IP6K2: variants seen among roughly 807,000 people sequenced by gnomAD.
IP6K2 encodes the protein ATP:1D-myo-inositol-hexakisphosphate phosphotransferase.
Under a neutral mutation model 43.3 loss-of-function variants are expected in IP6K2, and 9 were observed. The observed-to-expected ratio is 0.21, with a 90% confidence interval of 0.13 to 0.36. IP6K2 has a LOEUF of 0.36. Among genes scored for constraint, IP6K2 ranks in the 10% least tolerant of loss-of-function variants. The pLI, the probability that IP6K2 is intolerant of heterozygous loss-of-function variation, is 1.00. For synonymous variants in IP6K2, 209 were observed against 202.4 expected (o/e 1.03, Z -0.28); for missense variants, 332 against 538.4 (o/e 0.62, Z 3.79).
At chr3:48,694,991 G>C in intron 2 of IP6K2, 99 bp downstream of exon 2, 1 of 1,608,654 alleles carries the variant, frequency 6.2e-7, no homozygotes, top group Non-Finnish European at 8.5e-7. Flanking sequence ...AGAGTGGGAG[G>C]GAGTGAGGGC....
chr3:48,715,621 T>C (rs2081102820), intron 1 of IP6K2: 2 of 643,688 alleles, frequency 3.1e-6, no homozygotes, highest in South Asian at 4.0e-5. Context: ...AGGCCCTGCA[T>C]AAAAAACAAA....
chr3:48,706,518 G>A (rs1048113583), intron 1 of IP6K2, among the ~76,000 whole-genome samples: 3 of 152,164 alleles, frequency 2.0e-5, no homozygotes, highest in African/African-American at 7.2e-5. Context: ...CGACCCTTCT[G>A]TTCTCTCTAC....
At chr3:48,717,009 C>T (rs1399720245) in intron 1 of IP6K2, 148 bp downstream of exon 1, 2 of 153,690 alleles carry the variant, frequency 1.3e-5, no homozygotes, top group East Asian at 3.8e-4. Context: ...ACAGGGACCC[C>T]GGGAGATTTC....
At chr3:48,697,025 T>A (rs2078432324) in intron 1 of IP6K2, among the ~76,000 whole-genome samples, 1 of 150,392 alleles carries the variant, frequency 6.6e-6, no homozygotes. Flanking sequence ...TTTTTACTTT[T>A]TTTTTTTTTT....
chr3:48,698,748 T>C (rs1019584498), intron 1 of IP6K2, among the ~76,000 whole-genome samples: 59 of 151,968 alleles, frequency 3.9e-4, no homozygotes, highest in African/African-American at 1.4e-3. Flanking sequence ...GCTGGGATTA[T>C]GGGCATGAGC....
rs925845109 is a variant in IP6K2, at chr3:48,695,997, T to C, written c.-130-576A>G. Among the ~76,000 whole-genome samples, 3 of 151,666 alleles carry C rather than the reference T, an allele frequency of 2.0e-5. No individual in the cohort carries two copies. The highest frequency in any genetic ancestry group is 7.3e-5 in the African/African-American group (3 of 41,298). On this transcript the variant is annotated intron_variant, in intron 1 of 5. Transcript: ENST00000328631. The surrounding 1 kb of genome is among the most constrained non-coding windows in gnomAD (Gnocchi z 4.6). ...CCTCTCAGGGTTCAAGCCATTTTCCTGCCTCAGCCTCCCGAGTAGCTGGGA... is the reference window on the plus strand; with the variant it reads ...CCTCTCAGGGTTCAAGCCATTTTCCCGCCTCAGCCTCCCGAGTAGCTGGGA...
chr3:48,692,633 G>A lies in IP6K2; in HGVS notation c.428+321C>T, dbSNP rs1427420487. 4.6e-5 allele frequency among the ~76,000 whole-genome samples: 7 copies of A among 152,328 alleles called. No individual in the cohort carries two copies. The East Asian group carries it at 1.3e-3, about 29-fold the overall frequency. On this transcript the variant is annotated intron_variant, in intron 3 of 5. Transcript: ENST00000328631. Reference sequence around the variant, plus strand: ...ACTGCTCATTTCATCCCCCACCACTGGTGAACAACCTGAGGTAAAAGGATG... The same window carrying A: ...ACTGCTCATTTCATCCCCCACCACTAGTGAACAACCTGAGGTAAAAGGATG...
chr3:48,712,468 A>C (rs2080661762), intron 1 of IP6K2, among the ~76,000 whole-genome samples: 1 of 151,514 alleles, frequency 6.6e-6, no homozygotes, highest in Non-Finnish European at 1.5e-5. Context: ...GGATGGTCTC[A>C]ATCTCCTGAC....
At chr3:48,704,657 G>A (rs2079485177) in intron 1 of IP6K2, among the ~76,000 whole-genome samples, 1 of 152,138 alleles carries the variant, frequency 6.6e-6, no homozygotes, top group Admixed American at 6.5e-5. Context: ...TTTCTGTGTA[G>A]AGACGGGGTT....
At position 48,695,083 on chromosome 3, in the gene IP6K2, G is replaced by T; in HGVS notation, c.202+7C>A. ...GTGTGGCAACCCCTCCAGCAGCTGGGACTTACCTTTGTACTGGGGAGTGAA... is the reference window on the plus strand; with the variant it reads ...GTGTGGCAACCCCTCCAGCAGCTGGTACTTACCTTTGTACTGGGGAGTGAA... On this transcript the variant is annotated splice_region_variant and intron_variant, in intron 2 of 5. Transcript: ENST00000328631. This position sits in a 1 kb window ranked among gnomAD's most constrained non-coding sequence, Gnocchi z 4.6. 2 of 1,614,014 alleles carry T rather than the reference G, an allele frequency of 1.2e-6. No homozygotes were observed. The highest frequency in any genetic ancestry group is 1.7e-6 in the Non-Finnish European group (2 of 1,179,860).
intron 2 of IP6K2, chr3:48,693,779 A>G (rs1204604957): frequency 1.9e-6 from 2 of 1,046,034 alleles, no homozygotes; most frequent in Admixed American, 9.8e-5. Flanking sequence ...TTCTTATAAA[A>G]TATGTTTTTA....
intron 1 of IP6K2, among the ~76,000 whole-genome samples, chr3:48,716,231 T>C (rs1476711649): frequency 1.3e-5 from 2 of 152,196 alleles, no homozygotes; most frequent in Non-Finnish European, 2.9e-5. Context: ...ATTAAAAATA[T>C]CATAGAACCG....
chr3:48,701,716 A>G (rs34153629), intron 1 of IP6K2, among the ~76,000 whole-genome samples: 21,477 of 149,518 alleles, frequency 0.14, 1,757 homozygotes, highest in African/African-American at 0.23. Context: ...GGCCAACATG[A>G]TGAAACCCCG....
At position 48,688,917 on chromosome 3, in the gene IP6K2, C is replaced by T; in HGVS notation, c.781-144G>A. On this transcript the variant is annotated intron_variant, in intron 5 of 5. Coordinates refer to ENST00000328631, the MANE Select transcript of IP6K2 (RefSeq NM_016291.4). The surrounding 1 kb of genome is among the most constrained non-coding windows in gnomAD (Gnocchi z 5.1). ...CCAGTTGCACATGAGCCACTGTCCA[C>T]TATGCTCTCTGATCAGCCCCCACCT... 5.6e-6 allele frequency: 5 copies of T among 897,358 alleles called. No individual in the cohort carries two copies. In the South Asian group the frequency reaches 6.9e-5, roughly 12 times the overall value. 55.6% of individuals were successfully genotyped at this position (897,358 alleles called of 1,614,324 possible).
rs2106769427 is a variant in IP6K2, at chr3:48,688,450, G to A, written c.1104C>T (p.Ala368=). The A allele has an allele frequency of 3.1e-6, 5 of 1,614,224 alleles. No individual in the cohort carries two copies. Among genetic ancestry groups the A allele is most frequent in the Non-Finnish European group, 4.2e-6 (5 of 1,180,044 alleles). The part of the protein sequence containing the change: ...ESADESAGAY[A]YKPIGASSVD... ...CAGAGCTGGCGCCGATGGGTTTGTA[G>A]GCATAGGCACCAGCAGACTCATCAG... Residue 368 remains alanine (A), a synonymous_variant, in exon 6 of 6, where the codon GCC becomes GCT. Coordinates refer to ENST00000328631, the MANE Select transcript of IP6K2 (RefSeq NM_016291.4). The surrounding 1 kb of genome is among the most constrained non-coding windows in gnomAD (Gnocchi z 5.1).
chr3:48,692,404 C>T (rs545968649), intron 3 of IP6K2, among the ~76,000 whole-genome samples: 18 of 152,346 alleles, frequency 1.2e-4, no homozygotes, highest in Non-Finnish European at 1.2e-4. Context: ...ACCACCTAGC[C>T]TCCAGTACAA....
At chr3:48,692,926 C>A (rs1329690546) in intron 3 of IP6K2, 28 bp downstream of exon 3, 1 of 1,536,708 alleles carries the variant, frequency 6.5e-7, no homozygotes, top group Non-Finnish European at 9.0e-7. Context: ...TCCCACATAG[C>A]CCAGAGTTGC....
rs758749794 is a variant in IP6K2 at position 48,688,222 on chromosome 3, G to A, written c.*51C>T. ...CTGGCTTCCTCCCTGACGCAGCACA[G>A]CTGTGCCTGGGACACAGAGTCGCTC... is the stretch of plus-strand genomic sequence containing the variant. On this transcript the variant is annotated 3_prime_UTR_variant, in exon 6 of 6. Transcript: ENST00000328631. This position sits in a 1 kb window ranked among gnomAD's most constrained non-coding sequence, Gnocchi z 5.1. 2 of 1,586,218 alleles carry A rather than the reference G, an allele frequency of 1.3e-6. No individual in the cohort carries two copies. The highest frequency in any genetic ancestry group is 1.3e-5 in the African/African-American group (1 of 74,724).
At chr3:48,706,468 A>G (rs2079794404) in intron 1 of IP6K2, among the ~76,000 whole-genome samples, 1 of 152,148 alleles carries the variant, frequency 6.6e-6, no homozygotes, top group African/African-American at 2.4e-5. Context: ...AAATAAAGAA[A>G]TAAAAGATAG....
Sources: gnomAD v4.1 joint callset for allele counts (sites outside exome capture counted in the v4.1 genomes callset) on GRCh38, gnomAD v4.1.1 for gene constraint, Gnocchi (gnomAD v3.1) non-coding constraint, MANE v1.5 for transcripts, NCBI Gene and HGNC (gene_info 2026-07-23, HGNC 2026-07-21) for gene names.